Variants in DCLK2 observed in about 807,000 individuals in gnomAD.
The protein encoded by DCLK2 is doublecortin like kinase 2.
In DCLK2, 31 loss-of-function variants were observed where a neutral mutation model predicts 78.4. That is an observed-to-expected ratio of 0.40 (90% CI 0.30 to 0.53). The LOEUF (loss-of-function observed/expected upper bound fraction) is 0.53. DCLK2 is among the 20% of genes least tolerant of loss of function. DCLK2 has a pLI of 0.61. For missense variants in DCLK2, 872 were observed against 973.7 expected (o/e 0.90, Z 1.39); for synonymous variants, 407 against 374.9 (o/e 1.09, Z -0.99).
At chr4:150,168,771 G>T (rs913611289) in intron 2 of DCLK2, among the ~76,000 whole-genome samples, 2 of 152,098 alleles carry the variant, frequency 1.3e-5, no homozygotes, top group South Asian at 4.1e-4. Flanking sequence ...ATTTTCCTTC[G>T]TATAGTGAGT....
chr4:150,254,329 C>T (rs1744411637), intron 15 of DCLK2: 1 of 398,410 alleles, frequency 2.5e-6, no homozygotes. Context: ...AACTGTTTCA[C>T]TCGTGTTGCT....
rs182683347 is a variant in DCLK2, at chr4:150,231,153, A to G, written c.1300-1184A>G. 5.8e-4 allele frequency among the ~76,000 whole-genome samples: 89 copies of G among 152,394 alleles called. 1 individual carries two copies. The highest frequency in any genetic ancestry group is 1.1e-3 in the Non-Finnish European group (75 of 68,036). Reference sequence around the variant, plus strand: ...TAAGAAAGATGGGCTTGGATGTCAGAAACCTAGTTTACATTCAACCTCCAG... The same window carrying G: ...TAAGAAAGATGGGCTTGGATGTCAGGAACCTAGTTTACATTCAACCTCCAG... On this transcript the variant is annotated intron_variant, in intron 8 of 15. Transcript: ENST00000296550.
At chr4:150,206,960 T>G (rs1739889900) in intron 5 of DCLK2, among the ~76,000 whole-genome samples, 1 of 152,206 alleles carries the variant, frequency 6.6e-6, no homozygotes, top group South Asian at 2.1e-4. Flanking sequence ...CAGCTTATTT[T>G]TTTTTATTCA....
chr4:150,212,468 C>G (rs1311138318), intron 5 of DCLK2, among the ~76,000 whole-genome samples: 1 of 152,218 alleles, frequency 6.6e-6, no homozygotes, highest in Non-Finnish European at 1.5e-5. Flanking sequence ...GTAATTAAGA[C>G]TAGTTGATAA....
chr4:150,111,067 T>C (rs972921683), intron 2 of DCLK2, among the ~76,000 whole-genome samples: 36 of 152,202 alleles, frequency 2.4e-4, no homozygotes, highest in African/African-American at 8.7e-4. Context: ...TGTACTGTTT[T>C]CCATAGAGGT....
intron 2 of DCLK2, among the ~76,000 whole-genome samples, chr4:150,186,188 C>A (rs943387834): frequency 6.6e-6 from 1 of 152,064 alleles, no homozygotes; most frequent in African/African-American, 2.4e-5. Flanking sequence ...CTTTTCCTCA[C>A]CCTTGTTAAG....
intron 12 of DCLK2, among the ~76,000 whole-genome samples, chr4:150,240,963 C>G (rs1214672731): frequency 6.6e-6 from 1 of 152,102 alleles, no homozygotes; most frequent in African/African-American, 2.4e-5. Context: ...TCTACCATGT[C>G]CAATTTCTCC....
At chr4:150,123,047 ATCT>A (rs1278771728) in intron 2 of DCLK2, among the ~76,000 whole-genome samples, 2 of 152,204 alleles carry the variant, frequency 1.3e-5, no homozygotes, top group Non-Finnish European at 2.9e-5. Flanking sequence ...AGCTGGATTG[ATCT>A]TCTCTTCCAA....
At chr4:150,229,043 CA>C (rs796791135) in intron 8 of DCLK2, among the ~76,000 whole-genome samples, 17 of 137,298 alleles carry the variant, frequency 1.2e-4, no homozygotes, top group South Asian at 2.4e-4. Flanking sequence ...AAAAAAAAAA[CA>C]AAAAAAAAAA....
intron 2 of DCLK2, among the ~76,000 whole-genome samples, chr4:150,117,016 G>A (rs961377003): frequency 6.6e-5 from 10 of 152,124 alleles, no homozygotes; most frequent in Non-Finnish European, 1.5e-5. Flanking sequence ...GCTTCCAAAA[G>A]TTTCTGTTCT....
rs185092806 is a variant in DCLK2 at position 150,086,723 on chromosome 4, G to A, written c.421+7275G>A. On this transcript the variant is annotated intron_variant, in intron 1 of 15. Transcript: ENST00000296550. The stretch of plus-strand genomic sequence containing the variant: ...GGTTTTCACCGTGTTAGCCAGGATG[G>A]TCTCGATCTCCTGACCTCGTGATCT... 7.3e-3 allele frequency among the ~76,000 whole-genome samples: 1,106 copies of A among 152,080 alleles called. 18 individuals carry two copies. Among genetic ancestry groups the A allele is most frequent in the African/African-American group, 0.025 (1,042 of 41,470 alleles).
At chr4:150,220,655 G>C in intron 5 of DCLK2, 48 bp from the exon 6 acceptor site, 1 of 1,497,590 alleles carries the variant, frequency 6.7e-7, no homozygotes, top group Non-Finnish European at 9.3e-7. Flanking sequence ...TAGTTAGCTA[G>C]GGATTTGTAA....
chr4:150,228,749 G>A lies in DCLK2; in HGVS notation c.1300-3588G>A, dbSNP rs541563937. Among the ~76,000 whole-genome samples, 37 of 152,302 alleles carry A rather than the reference G, an allele frequency of 2.4e-4. No individual in the cohort carries two copies. In the East Asian group the frequency reaches 5.8e-3, roughly 24 times the overall value. ...TCCAGATAAAACTATGGCTGGGGCC[G>A]GGCGCGGTGGCTCACGCCTGTAATC... On this transcript the variant is annotated intron_variant, in intron 8 of 15. Coordinates refer to ENST00000296550, the MANE Select transcript of DCLK2 (RefSeq NM_001040260.4).
At chr4:150,180,334 G>A (rs1021291578) in intron 2 of DCLK2, among the ~76,000 whole-genome samples, 1 of 152,156 alleles carries the variant, frequency 6.6e-6, no homozygotes, top group Non-Finnish European at 1.5e-5. Context: ...TCATTGCATA[G>A]TTAGGTATTC....
chr4:150,238,421 T>G (rs1742667178), intron 10 of DCLK2, among the ~76,000 whole-genome samples: 1 of 152,180 alleles, frequency 6.6e-6, no homozygotes, highest in South Asian at 2.1e-4. Flanking sequence ...TCCATCTCTA[T>G]TCCCCTAGAG....
intron 2 of DCLK2, among the ~76,000 whole-genome samples, chr4:150,131,708 CT>C (rs1381336018): frequency 6.6e-6 from 1 of 152,098 alleles, no homozygotes; most frequent in Admixed American, 6.5e-5. Flanking sequence ...GGTTGAAATG[CT>C]GTAGGAGTCC....
intron 1 of DCLK2, among the ~76,000 whole-genome samples, chr4:150,082,074 T>C (rs1285462920): frequency 6.6e-6 from 1 of 151,932 alleles, no homozygotes; most frequent in African/African-American, 2.4e-5. Context: ...AGAATGTAAG[T>C]AGTTTCAACT....
chr4:150,136,904 T>C, intron 2 of DCLK2, among the ~76,000 whole-genome samples: 1 of 151,990 alleles, frequency 6.6e-6, no homozygotes. Flanking sequence ...GTGTGCATAA[T>C]GGATCATGGA....
chr4:150,092,238 T>G lies in DCLK2; in HGVS notation c.422-10240T>G, dbSNP rs564991990. Among the ~76,000 whole-genome samples the G allele has an allele frequency of 9.2e-5, 14 of 152,358 alleles. No homozygotes were observed. The South Asian group carries it at 2.9e-3, about 32-fold the overall frequency. ...TGGGCATTCAGGTTGTTTTCATATC[T>G]TAGCTATTGTGAATTATGGTGTAAT... On this transcript the variant is annotated intron_variant, in intron 1 of 15. Coordinates refer to ENST00000296550, the MANE Select transcript of DCLK2 (RefSeq NM_001040260.4).
Sources: allele counts gnomAD v4.1 joint callset (sites outside exome capture counted in the v4.1 genomes callset), GRCh38; gene constraint gnomAD v4.1.1; transcripts MANE v1.5; gene names NCBI Gene and HGNC (gene_info 2026-07-23, HGNC 2026-07-21).